The following DPP10 variants were observed in gnomAD, a reference collection of about 807,000 sequenced individuals.
The protein encoded by DPP10 is inactive dipeptidyl peptidase 10.
A neutral mutation model predicts 120.9 loss-of-function variants in DPP10; 33 were observed. That is an observed-to-expected ratio of 0.27 (90% CI 0.21 to 0.37). The LOEUF (loss-of-function observed/expected upper bound fraction) is 0.37. Among genes scored for constraint, DPP10 ranks in the 10% least tolerant of loss-of-function variants. DPP10 has a pLI of 1.00. For missense variants in DPP10, 816 were observed against 942.8 expected (o/e 0.87, Z 1.76); for synonymous variants, 337 against 326.1 (o/e 1.03, Z -0.36).
At chr2:115,542,004 A>G (rs1297379694) in intron 5 of DPP10, among the ~76,000 whole-genome samples, 1 of 151,982 alleles carries the variant, frequency 6.6e-6, no homozygotes, top group Non-Finnish European at 1.5e-5. Context: ...CCCAGTGGTG[A>G]CATCTTGCAT....
At chr2:114,689,349 T>C (rs1195494751) in intron 1 of DPP10, among the ~76,000 whole-genome samples, 1 of 151,996 alleles carries the variant, frequency 6.6e-6, no homozygotes, top group Non-Finnish European at 1.5e-5. Context: ...TTCCTGTTCC[T>C]GCATTAGTTT....
At chr2:114,460,321 C>T (rs1678827740) in intron 1 of DPP10, among the ~76,000 whole-genome samples, 1 of 152,022 alleles carries the variant, frequency 6.6e-6, no homozygotes. Context: ...ATGCTCAATC[C>T]TTTCTTGTGT....
chr2:115,295,339 G>C (rs2060837555), intron 1 of DPP10, among the ~76,000 whole-genome samples: 1 of 152,070 alleles, frequency 6.6e-6, no homozygotes, highest in Non-Finnish European at 1.5e-5. Flanking sequence ...CTTACCTTGA[G>C]TTTATTTAAT....
intron 1 of DPP10, among the ~76,000 whole-genome samples, chr2:114,488,101 T>A (rs1046919636): frequency 6.6e-6 from 1 of 152,202 alleles, no homozygotes; most frequent in Non-Finnish European, 1.5e-5. Flanking sequence ...TTTCAACTAT[T>A]TAAATTTTGG....
At chr2:115,382,419 G>A (rs544221913) in intron 3 of DPP10, among the ~76,000 whole-genome samples, 2,255 of 152,128 alleles carry the variant, frequency 0.015, 27 homozygotes, top group African/African-American at 0.038. Context: ...GCTTCGGCTC[G>A]CGCACAGTGC....
At chr2:114,721,403 T>C (rs1701697863) in intron 1 of DPP10, among the ~76,000 whole-genome samples, 1 of 152,240 alleles carries the variant, frequency 6.6e-6, no homozygotes, top group African/African-American at 2.4e-5. Flanking sequence ...AATTTTTAAT[T>C]TGGCTATGTG....
chr2:114,742,120 C>T (rs1678124322), intron 1 of DPP10, among the ~76,000 whole-genome samples: 3 of 152,154 alleles, frequency 2.0e-5, no homozygotes, highest in Admixed American at 1.3e-4. Flanking sequence ...GTGCACAATA[C>T]TTACACAAAA....
intron 3 of DPP10, among the ~76,000 whole-genome samples, chr2:115,449,194 A>G (rs1475968167): frequency 6.6e-6 from 1 of 152,178 alleles, no homozygotes; most frequent in Non-Finnish European, 1.5e-5. Flanking sequence ...CCTGATAAAT[A>G]TATTTTCTAA....
intron 1 of DPP10, among the ~76,000 whole-genome samples, chr2:114,599,553 G>T (rs1320757729): frequency 6.6e-6 from 1 of 151,544 alleles, no homozygotes; most frequent in Non-Finnish European, 1.5e-5. Flanking sequence ...GGCACTGATC[G>T]TTTGCCCTTT....
intron 1 of DPP10, among the ~76,000 whole-genome samples, chr2:115,270,373 C>G (rs79697794): frequency 4.6e-5 from 7 of 152,028 alleles, no homozygotes; most frequent in African/African-American, 1.7e-4. Context: ...GGGCAATGTG[C>G]TGAACCATCA....
chr2:114,890,618 C>A (rs953729649), intron 1 of DPP10, among the ~76,000 whole-genome samples: 1 of 152,140 alleles, frequency 6.6e-6, no homozygotes, highest in Non-Finnish European at 1.5e-5. Context: ...GTTGTTGCAG[C>A]CAACATTTGG....
intron 1 of DPP10, among the ~76,000 whole-genome samples, chr2:114,942,781 A>C (rs1574536598): frequency 6.6e-6 from 1 of 152,150 alleles, no homozygotes; most frequent in Admixed American, 6.6e-5. Flanking sequence ...TAAAGAACAA[A>C]GTTTTTATGA....
intron 1 of DPP10, among the ~76,000 whole-genome samples, chr2:114,615,518 A>C (rs1029674540): frequency 6.6e-6 from 1 of 152,148 alleles, no homozygotes; most frequent in Non-Finnish European, 1.5e-5. Flanking sequence ...ACTAATAGTC[A>C]AAGTATTCAG....
At chr2:114,927,198 T>A (rs1695699115) in intron 1 of DPP10, among the ~76,000 whole-genome samples, 1 of 152,078 alleles carries the variant, frequency 6.6e-6, no homozygotes, top group South Asian at 2.1e-4. Flanking sequence ...TGGGAGTACA[T>A]GGATGCAACA....
At chr2:115,357,010 T>A (rs2064438266) in intron 3 of DPP10, among the ~76,000 whole-genome samples, 1 of 152,222 alleles carries the variant, frequency 6.6e-6, no homozygotes, top group Admixed American at 6.5e-5. Context: ...TTTGAACCAT[T>A]GCCCCTTTCC....
chr2:114,526,943 T>A lies in DPP10; in HGVS notation c.60+84105T>A, dbSNP rs148534551. Among the ~76,000 whole-genome samples, 359 of 152,306 alleles carry A rather than the reference T, an allele frequency of 2.4e-3. 4 individuals carry two copies. Among genetic ancestry groups the A allele is most frequent in the African/African-American group, 8.2e-3 (340 of 41,568 alleles). On this transcript the variant is annotated intron_variant, in intron 1 of 25. Transcript: ENST00000410059. ...TCAAATAGTTACACCTATGCAATTA[T>A]CATTCCAAACTTAACTTTTCCTGTA...
chr2:115,420,781 A>G (rs2069871776), intron 3 of DPP10, among the ~76,000 whole-genome samples: 1 of 152,198 alleles, frequency 6.6e-6, no homozygotes, highest in African/African-American at 2.4e-5. Context: ...CTGTGGCAGC[A>G]GGAACTTCCT....
chr2:115,241,335 T>C (rs2058269292), intron 1 of DPP10, among the ~76,000 whole-genome samples: 1 of 152,168 alleles, frequency 6.6e-6, no homozygotes, highest in African/African-American at 2.4e-5. Context: ...AAACTGCATG[T>C]TTAAACAGTT....
intron 3 of DPP10, among the ~76,000 whole-genome samples, chr2:115,389,040 T>G (rs1329733673): frequency 1.3e-5 from 2 of 152,184 alleles, no homozygotes; most frequent in African/African-American, 4.8e-5. Context: ...TCTCCAACTT[T>G]CCTTTACCAA....
Sources: gnomAD v4.1 joint callset for allele counts (sites outside exome capture counted in the v4.1 genomes callset) on GRCh38, gnomAD v4.1.1 for gene constraint, MANE v1.5 for transcripts, NCBI Gene and HGNC (gene_info 2026-07-23, HGNC 2026-07-21) for gene names.